Variants in ELP3 observed in about 807,000 individuals in gnomAD.
The protein encoded by ELP3 is elongator complex protein 3.
ELP3 carries 56 observed loss-of-function variants against 74.9 expected under a neutral mutation model. The ratio of observed to expected loss-of-function variants is 0.75; its 90% confidence interval spans 0.60 to 0.93. The LOEUF (loss-of-function observed/expected upper bound fraction) is 0.93, where lower values mean the gene tolerates loss of function less well. Ranked by LOEUF, ELP3 falls within the 40% of genes least tolerant of loss-of-function variation. The pLI is 0.00. For synonymous variants in ELP3, 222 were observed against 239.8 expected, an observed-to-expected ratio of 0.93 and a Z score of 0.68; for missense variants, 573 against 686.5, an observed-to-expected ratio of 0.83 and a Z score of 1.85.
chr8:28,115,379 C>G lies in ELP3; in HGVS notation c.617+2206C>G, dbSNP rs1585657141. ...TTAGAGCAATTCTTATAGTACGATC[C>G]CATTATTTGTGTGTTCATGCACATA... On this transcript the variant is annotated intron_variant, in intron 7 of 14. Transcript: ENST00000256398. 1.3e-5 allele frequency among the ~76,000 whole-genome samples: 2 copies of G among 151,986 alleles called. 1 individual carries two copies. The highest frequency in any genetic ancestry group is 1.3e-4 in the Admixed American group (2 of 15,262).
chr8:28,189,427 A>G (rs996824415), intron 14 of ELP3, among the ~76,000 whole-genome samples: 4 of 152,232 alleles, frequency 2.6e-5, no homozygotes, highest in Admixed American at 6.5e-5. Context: ...AGCTTGAGTT[A>G]AAAATCAGGG....
chr8:28,149,269 AC>A (rs1009574994), intron 10 of ELP3, among the ~76,000 whole-genome samples: 4 of 152,246 alleles, frequency 2.6e-5, no homozygotes, highest in Non-Finnish European at 4.4e-5. Context: ...GTTAAGAACT[AC>A]TAAGAAGTAT....
At chr8:28,171,656 A>G (rs944944368) in intron 14 of ELP3, among the ~76,000 whole-genome samples, 1 of 152,024 alleles carries the variant, frequency 6.6e-6, no homozygotes, top group Non-Finnish European at 1.5e-5. Context: ...AAAGTTTGTA[A>G]TTTTAATGAA....
chr8:28,099,593 C>T (rs535239929), intron 2 of ELP3, among the ~76,000 whole-genome samples: 1 of 152,350 alleles, frequency 6.6e-6, no homozygotes, highest in East Asian at 1.9e-4. Flanking sequence ...AGGGACCCTT[C>T]TCCCTCCATA....
intron 1 of ELP3, among the ~76,000 whole-genome samples, chr8:28,094,365 G>A (rs922707498): frequency 2.0e-5 from 3 of 152,182 alleles, no homozygotes; most frequent in Non-Finnish European, 1.5e-5. Context: ...TCTTAGAATG[G>A]TTTTGTGAAA....
At chr8:28,092,538 C>T (rs1811082070), upstream of ELP3, among the ~76,000 whole-genome samples, 2 of 152,126 alleles carry the variant, frequency 1.3e-5, no homozygotes, top group Non-Finnish European at 2.9e-5. Flanking sequence ...GCGCCCGGCC[C>T]TAAGCTTAAC....
intron 7 of ELP3, 182 bp from the exon 8 acceptor site, chr8:28,129,320 G>A: frequency 1.7e-6 from 1 of 601,806 alleles, no homozygotes; most frequent in Non-Finnish European, 2.9e-6. Flanking sequence ...GAGGTTAATA[G>A]CATCCCCATG....
chr8:28,135,212 G>A (rs1403587129), intron 9 of ELP3, among the ~76,000 whole-genome samples: 1 of 152,236 alleles, frequency 6.6e-6, no homozygotes, highest in African/African-American at 2.4e-5. Context: ...ACAGGCGTGA[G>A]CCACTGCGCC....
chr8:28,189,686 C>G lies in ELP3; in HGVS notation c.1605C>G (p.Tyr535Ter). The G allele has an allele frequency of 6.2e-7, 1 of 1,614,146 alleles. No homozygotes were observed. Among genetic ancestry groups the G allele is most frequent in the Non-Finnish European group, 8.5e-7 (1 of 1,179,992 alleles). ...GTRNYYRKIGYRLQGPYMVKM... is the reference protein window; with the variant it reads ...GTRNYYRKIG ...GGAATTATTATAGAAAGATCGGCTA[C>G]AGATTACAAGGCCCGTACATGGTGA... Residue 535 changes from tyrosine (Y) to a stop codon, truncating the protein, a stop_gained, in exon 15 of 15, where the codon TAC (tyrosine) becomes TAG (stop). Transcript: ENST00000256398. LOFTEE classifies it high-confidence loss of function.
At chr8:28,093,101 C>G (rs1271955142), upstream of ELP3, 2 of 1,530,494 alleles carry the variant, frequency 1.3e-6, no homozygotes, top group Non-Finnish European at 1.8e-6. Flanking sequence ...CTTTACGATA[C>G]ATTGACCGAC....
chr8:28,132,378 C>G lies in ELP3; in HGVS notation c.880C>G (p.Leu294Val), dbSNP rs1812817330. ...HMMPDLPNVG[L>V]ERDIEQFTEF... ...GATGCCTGACCTGCCAAACGTGGGA[C>G]TAGAAAGAGACATTGAACAGTTCAC... is the stretch of plus-strand genomic sequence containing the variant. The change falls in exon 9 of 15, where the codon CTA (leucine) becomes GTA (valine). Residue 294 changes from leucine to valine, a missense_variant. Coordinates refer to ENST00000256398, the MANE Select transcript of ELP3 (RefSeq NM_018091.6). 5 of 1,614,122 alleles carry G rather than the reference C, an allele frequency of 3.1e-6. No homozygotes were observed. Among genetic ancestry groups the G allele is most frequent in the Non-Finnish European group, 3.4e-6 (4 of 1,179,978 alleles).
intron 14 of ELP3, 80 bp from the exon 15 acceptor site, chr8:28,189,569 G>A (rs946327978): frequency 1.4e-6 from 2 of 1,395,930 alleles, no homozygotes; most frequent in Non-Finnish European, 2.0e-6. Context: ...GGGAGAGAGT[G>A]TAAGGCTGAG....
chr8:28,126,658 G>T (rs751355524), intron 7 of ELP3, among the ~76,000 whole-genome samples: 16 of 152,188 alleles, frequency 1.1e-4, no homozygotes, highest in Non-Finnish European at 1.9e-4. Flanking sequence ...CTTTTGGATG[G>T]CTGTCTAAGT....
rs753301280 is a variant in ELP3 at position 28,137,848 on chromosome 8, C to T, written c.1057C>T (p.Leu353=). ...SDLVELVARI[L]ALVPPWTRVY... ...CCTGGTTGAATTGGTGGCTCGGATC[C>T]TAGCCCTCGTGCCTCCATGGACTCG... Residue 353 remains leucine (L), a synonymous_variant, in exon 10 of 15, where the codon CTA becomes TTA. Transcript: ENST00000256398. 65 of 1,613,420 alleles carry T rather than the reference C, an allele frequency of 4.0e-5. No individual in the cohort carries two copies. Among genetic ancestry groups the T allele is most frequent in the Non-Finnish European group, 8.5e-7 (1 of 1,179,880 alleles).
chr8:28,109,871 A>G (rs921334968), intron 5 of ELP3, among the ~76,000 whole-genome samples: 5 of 152,224 alleles, frequency 3.3e-5, no homozygotes, highest in East Asian at 1.9e-4. Context: ...GACTGATTCC[A>G]TATAAGGTAG....
Position 28,105,370 on chromosome 8 carries a change from A to G in ELP3, c.259-1343A>G, listed in dbSNP as rs578098396. Among the ~76,000 whole-genome samples the G allele has an allele frequency of 1.0e-3, 159 of 152,344 alleles. 2 individuals are homozygous for G. The highest frequency in any genetic ancestry group is 3.6e-3 in the African/African-American group (151 of 41,580). On this transcript the variant is annotated intron_variant, in intron 3 of 14. Transcript: ENST00000256398. The stretch of plus-strand genomic sequence containing the variant: ...ACGCCATTGCACTCCAGCCTGGGCA[A>G]CACAGTGAGACTCCGTCTCAAAAAG...
chr8:28,116,048 A>G (rs1196413257), intron 7 of ELP3, among the ~76,000 whole-genome samples: 1 of 152,216 alleles, frequency 6.6e-6, no homozygotes, highest in African/African-American at 2.4e-5. Flanking sequence ...CATAGTAAGC[A>G]CAAGTAAATG....
At chr8:28,091,351 C>G (rs1811049293), upstream of ELP3, among the ~76,000 whole-genome samples, 1 of 152,180 alleles carries the variant, frequency 6.6e-6, no homozygotes, top group South Asian at 2.1e-4. Flanking sequence ...CACTTCCCAT[C>G]ATGGCCTGAG....
rs571422435 is a variant in ELP3, at chr8:28,108,597, C to T, written c.393+621C>T. Reference sequence around the variant, plus strand: ...TCAGCCTCCCGAGTAGCTGGGACTACAGGCAAGCACCACCACGCCCAGCTA... The same window carrying T: ...TCAGCCTCCCGAGTAGCTGGGACTATAGGCAAGCACCACCACGCCCAGCTA... On this transcript the variant is annotated intron_variant, in intron 5 of 14. Coordinates refer to ENST00000256398, the MANE Select transcript of ELP3 (RefSeq NM_018091.6). Among the ~76,000 whole-genome samples, 6 of 151,900 alleles carry T rather than the reference C, an allele frequency of 3.9e-5. No individual in the cohort carries two copies. In the South Asian group the frequency reaches 8.3e-4, roughly 21 times the overall value.
Sources: allele counts gnomAD v4.1 joint callset (sites outside exome capture counted in the v4.1 genomes callset), GRCh38; gene constraint gnomAD v4.1.1; transcripts MANE v1.5; gene names NCBI Gene and HGNC (gene_info 2026-07-23, HGNC 2026-07-21).